SMIM36: variants seen among roughly 807,000 people sequenced by gnomAD.
SMIM36 encodes the protein small integral membrane protein 36.
chr17:55,512,484 A>G (rs1337763924), upstream of SMIM36, among the ~76,000 whole-genome samples: 1 of 152,242 alleles, frequency 6.6e-6, no homozygotes, highest in Non-Finnish European at 1.5e-5. Flanking sequence ...TGCCTCAAGG[A>G]TGCAGAAAAA....
intron 1 of SMIM36, among the ~76,000 whole-genome samples, chr17:55,490,172 C>T (rs1909678636): frequency 1.3e-5 from 2 of 152,082 alleles, no homozygotes; most frequent in Non-Finnish European, 2.9e-5. Flanking sequence ...CGTATTTTTG[C>T]GGGAGTCATA....
At chr17:55,486,035 T>G (rs372195437) in intron 1 of SMIM36, among the ~76,000 whole-genome samples, 1,863 of 125,360 alleles carry the variant, frequency 0.015, 35 homozygotes, top group African/African-American at 0.055. Flanking sequence ...TTTTTTTCCT[T>G]TATTCTTTTT....
the SMIM36 span, among the ~76,000 whole-genome samples, chr17:55,520,804 C>T: frequency 7.2e-4 from 110 of 152,288 alleles, no homozygotes; most frequent in African/African-American, 2.6e-3. Context: ...GAAGCCACTG[C>T]AATAGTAGTA....
upstream of SMIM36, among the ~76,000 whole-genome samples, chr17:55,513,044 T>C (rs916528476): frequency 1.3e-5 from 2 of 152,244 alleles, no homozygotes; most frequent in African/African-American, 4.8e-5. Context: ...TATGGAATTA[T>C]AATCCAGAAG....
At chr17:55,498,583 AT>A (rs200549052) in intron 1 of SMIM36, among the ~76,000 whole-genome samples, 125 of 146,760 alleles carry the variant, frequency 8.5e-4, no homozygotes, top group Non-Finnish European at 9.7e-4. Flanking sequence ...GATTATATCC[AT>A]TTTTTTTTTT....
At chr17:55,509,502 T>A (rs1910143761) in intron 1 of SMIM36, among the ~76,000 whole-genome samples, 1 of 152,212 alleles carries the variant, frequency 6.6e-6, no homozygotes, top group African/African-American at 2.4e-5. Context: ...GTGTCTTCTG[T>A]GTGCCAGACA....
At chr17:55,463,942 C>T (rs1474575837) in intron 4 of SMIM36, among the ~76,000 whole-genome samples, 2 of 151,958 alleles carry the variant, frequency 1.3e-5, no homozygotes, top group Non-Finnish European at 2.9e-5. Flanking sequence ...ATGGCAAAAC[C>T]CAGACTCTAC....
chr17:55,470,039 G>A (rs1020297804), intron 3 of SMIM36, among the ~76,000 whole-genome samples: 5 of 151,762 alleles, frequency 3.3e-5, no homozygotes, highest in East Asian at 1.9e-4. Context: ...GCGGCCAGGC[G>A]TTCCTCCAGG....
chr17:55,499,549 G>A (rs749669740), intron 1 of SMIM36, among the ~76,000 whole-genome samples: 10 of 152,104 alleles, frequency 6.6e-5, no homozygotes, highest in African/African-American at 9.7e-5. Flanking sequence ...GGCACGTAGC[G>A]AATTCCTGAT....
At chr17:55,524,415 C>A in the SMIM36 span, among the ~76,000 whole-genome samples, 1 of 152,140 alleles carries the variant, frequency 6.6e-6, no homozygotes, top group African/African-American at 2.4e-5. Flanking sequence ...AGAATAATTT[C>A]TATTCCTTTG....
chr17:55,503,571 GA>G (rs1384056905), intron 1 of SMIM36, among the ~76,000 whole-genome samples: 5 of 148,298 alleles, frequency 3.4e-5, no homozygotes, highest in African/African-American at 1.3e-4. Context: ...GCTCCTGAAG[GA>G]AGCGCTAAAC....
At chr17:55,516,179 C>G (rs918027009), upstream of SMIM36, among the ~76,000 whole-genome samples, 3 of 152,092 alleles carry the variant, frequency 2.0e-5, no homozygotes, top group African/African-American at 7.2e-5. Flanking sequence ...AATATAAAAA[C>G]CTACAAAACA....
chr17:55,466,227 A>G (rs2143248756), intron 4 of SMIM36, among the ~76,000 whole-genome samples: 1 of 138,816 alleles, frequency 7.2e-6, no homozygotes, highest in East Asian at 2.3e-4. Context: ...CAGTGAGCTG[A>G]GATTGCACTA....
intron 4 of SMIM36, among the ~76,000 whole-genome samples, chr17:55,454,750 T>C (rs1329975520): frequency 6.6e-6 from 1 of 152,224 alleles, no homozygotes; most frequent in African/African-American, 2.4e-5. Context: ...TTAAAACCTC[T>C]GGCTTCTTAT....
chr17:55,468,423 C>T (rs534680917), intron 3 of SMIM36: 1 of 153,202 alleles, frequency 6.5e-6, no homozygotes, highest in South Asian at 2.1e-4. Flanking sequence ...AAAGGAGACA[C>T]ATTTTATCCG....
chr17:55,476,064 A>G (rs951142721), intron 3 of SMIM36, among the ~76,000 whole-genome samples: 2 of 152,136 alleles, frequency 1.3e-5, no homozygotes, highest in African/African-American at 4.8e-5. Flanking sequence ...TCTTATTAAT[A>G]TAAGAAGACA....
chr17:55,500,953 ATT>A (rs1909918548), intron 1 of SMIM36, among the ~76,000 whole-genome samples: 1 of 50,900 alleles, frequency 2.0e-5, no homozygotes, highest in Non-Finnish European at 3.0e-5. Context: ...ATTATAATAT[ATT>A]ATATTTTATA....
At chr17:55,467,092 A>C (rs1244274320) in intron 4 of SMIM36, 53 bp downstream of exon 4, 1 of 152,230 alleles carries the variant, frequency 6.6e-6, no homozygotes, top group Non-Finnish European at 1.5e-5. Context: ...AACAACAATA[A>C]AACCAAAACT....
intron 3 of SMIM36, among the ~76,000 whole-genome samples, chr17:55,470,210 G>A (rs1298190238): frequency 6.6e-6 from 1 of 152,060 alleles, no homozygotes; most frequent in East Asian, 1.9e-4. Context: ...CAGAGCCCCT[G>A]GAACTCTGGC....
Sources: allele counts gnomAD v4.1 joint callset (sites outside exome capture counted in the v4.1 genomes callset), GRCh38; gene constraint gnomAD v4.1.1; transcripts MANE v1.5; gene names NCBI Gene and HGNC (gene_info 2026-07-23, HGNC 2026-07-21).